The following SRRM1 variants were observed in gnomAD, a reference collection of about 807,000 sequenced individuals.
SRRM1 encodes serine/arginine repetitive matrix protein 1.
SRRM1 carries 19 observed loss-of-function variants against 110.2 expected under a neutral mutation model. The observed-to-expected ratio is 0.17, with a 90% CI of 0.12 to 0.25. The LOEUF (loss-of-function observed/expected upper bound fraction) is 0.25, where lower values mean the gene tolerates loss of function less well. Ranked by LOEUF, SRRM1 falls within the 10% of genes least tolerant of loss-of-function variation. The probability of loss-of-function intolerance (pLI) is 1.00; values close to 1 mark genes in which losing one functional copy is unlikely to be tolerated. For missense variants in SRRM1, 918 were observed against 1,145.8 expected (o/e 0.80, Z 2.87); for synonymous variants, 443 against 414.9 (o/e 1.07, Z -0.82).
At position 24,672,444 on chromosome 1, in the gene SRRM1, C is replaced by T. The variant is rs988817337; in HGVS notation, c.*158C>T. 1.9e-6 allele frequency: 1 copy of T among 517,472 alleles called. No homozygotes were observed. The highest frequency in any genetic ancestry group is 3.5e-5 in the Admixed American group (1 of 28,792). The allele number at this position is 517,472 out of a possible 1,614,324, so 32.1% of individuals were successfully genotyped here. On this transcript the variant is annotated 3_prime_UTR_variant, in exon 17 of 17. Coordinates refer to ENST00000323848, the MANE Select transcript of SRRM1 (RefSeq NM_005839.4). ...AAAAAGGGGGCATGGATTTACATTG[C>T]AAAAGGTGTCCACAGTGTATTAGTG...
chr1:24,653,686 G>C (rs1029983986), intron 8 of SRRM1, among the ~76,000 whole-genome samples: 4 of 152,040 alleles, frequency 2.6e-5, no homozygotes, highest in Non-Finnish European at 5.9e-5. Flanking sequence ...TTGAATCTTG[G>C]ATATATCACT....
intron 11 of SRRM1, among the ~76,000 whole-genome samples, chr1:24,662,046 C>T (rs559848159): frequency 1.7e-4 from 26 of 152,118 alleles, no homozygotes; most frequent in African/African-American, 9.7e-5. Flanking sequence ...GCTGAGATCG[C>T]GCCACTGCAC....
chr1:24,669,118 C>T lies in SRRM1; in HGVS notation c.1740-5C>T. 1 of 1,600,806 alleles carries T rather than the reference C, an allele frequency of 6.2e-7. No homozygotes were observed. Among genetic ancestry groups the T allele is most frequent in the South Asian group, 1.1e-5 (1 of 90,242 alleles). On this transcript the variant is annotated splice_polypyrimidine_tract_variant and splice_region_variant and intron_variant, in intron 13 of 16. Transcript: ENST00000323848. ...TTTCAGCTTAATTATGTATCTTTTT[C>T]CTAGGACTCCTTCTCCTCCCCCACG...
intron 9 of SRRM1, among the ~76,000 whole-genome samples, chr1:24,656,790 CT>C (rs1332594928): frequency 6.6e-6 from 1 of 152,118 alleles, no homozygotes; most frequent in African/African-American, 2.4e-5. Flanking sequence ...GGGACCAATC[CT>C]TGTTAAAATA....
At chr1:24,663,888 A>T (rs1571006993) in intron 12 of SRRM1, among the ~76,000 whole-genome samples, 1 of 85,666 alleles carries the variant, frequency 1.2e-5, no homozygotes, top group African/African-American at 7.2e-5. Flanking sequence ...AAATAATAAT[A>T]ATAATAATAA....
At position 24,652,671 on chromosome 1, in the gene SRRM1, A is replaced by G. The variant is rs559653609; in HGVS notation, c.920+43A>G. ...GATCAACAAAGATCTTAGGTTTTATATACTACTCTACTGGGTACAATTAGA... is the reference window on the plus strand; with the variant it reads ...GATCAACAAAGATCTTAGGTTTTATGTACTACTCTACTGGGTACAATTAGA... On this transcript the variant is annotated intron_variant, in intron 7 of 16. Transcript: ENST00000323848. 4.5e-5 allele frequency: 68 copies of G among 1,520,656 alleles called. No individual in the cohort carries two copies. The South Asian group carries it at 7.8e-4, about 17-fold the overall frequency. The allele number at this position is 1,520,656 out of a possible 1,614,324, so 94.2% of individuals were successfully genotyped here.
chr1:24,652,507 A>G lies in SRRM1; in HGVS notation c.799A>G (p.Lys267Glu). ...ACCTTCTCCGGAAAAAAATTCCAAA[A>G]AAGAAAAGGAGAAGGAGAAGACCCG... ...KEPSPEKNSK[K>E]EKEKEKTRPR... Residue 267 changes from lysine (K) to glutamate (E), a missense_variant, in exon 7 of 17, where the codon AAA (lysine) becomes GAA (glutamate). By Grantham distance (56) the Lys-to-Glu change is moderately conservative (BLOSUM62 1). Coordinates refer to ENST00000323848, the MANE Select transcript of SRRM1 (RefSeq NM_005839.4). The G allele has an allele frequency of 6.2e-7, 1 of 1,613,158 alleles. No individual in the cohort carries two copies. Among genetic ancestry groups the G allele is most frequent in the Non-Finnish European group, 8.5e-7 (1 of 1,179,704 alleles).
chr1:24,648,970 A>G lies in SRRM1; in HGVS notation c.346A>G (p.Ile116Val), dbSNP rs766290778. ...CCTGCTGCTAAGTGCACAAGAAAAC[A>G]TCGCGGGAATCCCTTCTGCTTTCCT... The part of the protein sequence containing the change: ...WPLLLSAQEN[I>V]AGIPSAFLEL... Residue 116 changes from isoleucine (I) to valine (V), a missense_variant, in exon 4 of 17, where the codon ATC becomes GTC. Transcript: ENST00000323848. 6.2e-7 allele frequency: 1 copy of G among 1,614,044 alleles called. No individual in the cohort carries two copies. The highest frequency in any genetic ancestry group is 8.5e-7 in the Non-Finnish European group (1 of 1,179,950).
chr1:24,667,292 G>C (rs546324698), intron 13 of SRRM1, among the ~76,000 whole-genome samples: 1 of 152,150 alleles, frequency 6.6e-6, no homozygotes. Context: ...TCATTTAATT[G>C]TATACTTTAA....
chr1:24,668,030 T>A (rs1340708719), intron 13 of SRRM1, among the ~76,000 whole-genome samples: 5 of 133,868 alleles, frequency 3.7e-5, no homozygotes, highest in Non-Finnish European at 3.1e-5. Flanking sequence ...TGGAGTGCAG[T>A]GGCCGATCTC....
chr1:24,649,394 C>T (rs1451887296), intron 4 of SRRM1, among the ~76,000 whole-genome samples: 1 of 152,240 alleles, frequency 6.6e-6, no homozygotes, highest in Non-Finnish European at 1.5e-5. Flanking sequence ...TCTCTGCTCA[C>T]TGCAGCTTTC....
In SRRM1 at chr1:24,666,822, C is replaced by G. The variant is rs749211741; in HGVS notation, c.1636C>G (p.Arg546Gly). 6.2e-7 allele frequency: 1 copy of G among 1,611,832 alleles called. No homozygotes were observed. Among genetic ancestry groups the G allele is most frequent in the Non-Finnish European group, 8.5e-7 (1 of 1,178,506 alleles). Reference protein sequence around the residue: ...RQKETSPRGRRRRSPSPPPTR... With the variant: ...RQKETSPRGRGRRSPSPPPTR... ...TAATTCTTCTTGGTTTAGTGGTAGA[C>G]GGAGGAGAAGTCCATCCCCACCACC... The change falls in exon 13 of 17, where the codon CGG (arginine) becomes GGG (glycine). Residue 546 changes from arginine (R) to glycine (G), a missense_variant. Physicochemically the swap from Arg to Gly is moderately radical, Grantham distance 125 (BLOSUM62 -2). This residue lies in a region of SRRM1 where 357 missense variants were observed against 402.9 expected (regional missense o/e 0.89). Coordinates refer to ENST00000323848, the MANE Select transcript of SRRM1 (RefSeq NM_005839.4).
intron 12 of SRRM1, among the ~76,000 whole-genome samples, chr1:24,663,825 T>A (rs1257735904): frequency 6.6e-6 from 1 of 150,570 alleles, no homozygotes; most frequent in African/African-American, 2.4e-5. Context: ...TGCAATGAGC[T>A]GAGATCACGC....
At chr1:24,664,780 T>C (rs1016223145) in intron 12 of SRRM1, among the ~76,000 whole-genome samples, 1 of 152,198 alleles carries the variant, frequency 6.6e-6, no homozygotes, top group Non-Finnish European at 1.5e-5. Context: ...CCAGCTATAA[T>C]TATCTCTGGC....
At chr1:24,659,143 G>A (rs1478787195) in intron 9 of SRRM1, among the ~76,000 whole-genome samples, 3 of 151,542 alleles carry the variant, frequency 2.0e-5, no homozygotes, top group Admixed American at 6.6e-5. Context: ...GCAGTGAGCC[G>A]AGATCATGCC....
At chr1:24,667,219 CAGATT>C (rs1161470275) in intron 13 of SRRM1, among the ~76,000 whole-genome samples, 1 of 152,032 alleles carries the variant, frequency 6.6e-6, no homozygotes, top group East Asian at 1.9e-4. Context: ...AGATAGAAAA[CAGATT>C]AGGGTGGGGT....
chr1:24,672,017 C>T (rs1673023973), intron 16 of SRRM1, among the ~76,000 whole-genome samples, 165 bp from the exon 17 acceptor site: 2 of 151,870 alleles, frequency 1.3e-5, no homozygotes, highest in African/African-American at 4.8e-5. Context: ...GTGTGCTGCA[C>T]CCATTAACTC....
chr1:24,668,001 C>G (rs1320953971), intron 13 of SRRM1, among the ~76,000 whole-genome samples: 1 of 96,472 alleles, frequency 1.0e-5, no homozygotes, highest in East Asian at 3.4e-4. Context: ...TTGAGACAGT[C>G]TCACTCTGTC....
At chr1:24,666,999 G>A in intron 13 of SRRM1, 74 bp downstream of exon 13, 1 of 874,516 alleles carries the variant, frequency 1.1e-6, no homozygotes, top group Non-Finnish European at 1.8e-6. Context: ...ATGAGTAATG[G>A]TGCTCACTTC....
Sources: gnomAD v4.1 joint callset for allele counts (sites outside exome capture counted in the v4.1 genomes callset) on GRCh38, gnomAD v4.1.1 for gene constraint, gnomAD v4.1.1 regional missense constraint, MANE v1.5 for transcripts, NCBI Gene and HGNC (gene_info 2026-07-23, HGNC 2026-07-21) for gene names.